The following MYO18A variants were observed in gnomAD, a reference collection of about 807,000 sequenced individuals.
The protein encoded by MYO18A is myosin XVIIIA, also known as unconventional myosin-XVIIIa.
Under a neutral mutation model 235.8 loss-of-function variants are expected in MYO18A, and 78 were observed. The ratio of observed to expected loss-of-function variants is 0.33; its 90% confidence interval spans 0.28 to 0.40. The LOEUF is 0.40. Ranked by LOEUF, MYO18A falls within the 10% of genes least tolerant of loss-of-function variation. The pLI is 1.00. For missense variants in MYO18A, 2,215 were observed against 2,699.3 expected, an observed-to-expected ratio of 0.82 and a Z score of 3.98; for synonymous variants, 977 against 1,077.8, an observed-to-expected ratio of 0.91 and a Z score of 1.83.
intron 17 of MYO18A, among the ~76,000 whole-genome samples, chr17:29,110,825 G>A (rs1332298544): frequency 2.6e-5 from 4 of 152,206 alleles, no homozygotes; most frequent in African/African-American, 9.7e-5. Context: ...AAAGCCAGAG[G>A]TGGGCAGAAG....
intron 1 of MYO18A, among the ~76,000 whole-genome samples, chr17:29,173,950 T>A (rs2068465467): frequency 6.6e-6 from 1 of 152,006 alleles, no homozygotes; most frequent in African/African-American, 2.4e-5. Flanking sequence ...TTTTTAAAAA[T>A]TGTTTTAGAG....
chr17:29,174,680 G>A (rs535613038), intron 1 of MYO18A, among the ~76,000 whole-genome samples: 2 of 151,974 alleles, frequency 1.3e-5, no homozygotes, highest in Non-Finnish European at 2.9e-5. Context: ...CCGGCGTAGT[G>A]GCGCACCTGT....
rs576903077 is a variant in MYO18A, at chr17:29,166,926, C to T, written c.15G>A (p.Met5Ile). 1.6e-5 allele frequency: 24 copies of T among 1,543,972 alleles called. No homozygotes were observed. The African/African-American group carries it at 2.1e-4, about 13-fold the overall frequency. MFNL[M>I]KKDKDKDGGR... ...CGCCATCTTTGTCCTTGTCTTTCTTCATTAGGTTAAACATGGTGGGGGTGC... is the reference window on the plus strand; with the variant it reads ...CGCCATCTTTGTCCTTGTCTTTCTTTATTAGGTTAAACATGGTGGGGGTGC... The change falls in exon 2 of 42, where the codon ATG becomes ATA. Residue 5 changes from methionine (M) to isoleucine (I), a missense_variant. Met to Ile is a conservative substitution (Grantham distance 10). Coordinates refer to ENST00000527372, the MANE Select transcript of MYO18A (RefSeq NM_078471.4).
rs1011093771 is a variant in MYO18A, at chr17:29,123,585, C to G, written c.1000-1332G>C. ...TCCCTCCAGTGCTGGACGGCCCTTC[C>G]CCAGATTGGAGTAGGAGGGCTGGGC... On this transcript the variant is annotated intron_variant, in intron 2 of 41. Transcript: ENST00000527372. 1.9e-4 allele frequency among the ~76,000 whole-genome samples: 29 copies of G among 152,226 alleles called. 1 individual carries two copies. The highest frequency in any genetic ancestry group is 1.2e-4 in the Non-Finnish European group (8 of 68,046).
At chr17:29,172,498 T>A (rs1273774616) in intron 1 of MYO18A, among the ~76,000 whole-genome samples, 1 of 150,532 alleles carries the variant, frequency 6.6e-6, no homozygotes, top group Non-Finnish European at 1.5e-5. Flanking sequence ...TGAAAAAAAA[T>A]ATGAGTAAAT....
intron 34 of MYO18A, chr17:29,091,732 C>T: frequency 2.2e-6 from 1 of 452,694 alleles, no homozygotes; most frequent in South Asian, 1.6e-5. Flanking sequence ...ATGAAGCCAC[C>T]AGCCCAGCCC....
At chr17:29,171,916 A>C (rs1303482238) in intron 1 of MYO18A, among the ~76,000 whole-genome samples, 2 of 152,036 alleles carry the variant, frequency 1.3e-5, no homozygotes, top group African/African-American at 2.4e-5. Context: ...AAAAAAAAAA[A>C]AAACCATAGC....
At chr17:29,094,168 T>G in intron 30 of MYO18A, 78 bp from the exon 31 acceptor site, 1 of 1,047,764 alleles carries the variant, frequency 9.5e-7, no homozygotes, top group South Asian at 1.4e-5. Context: ...TGGCTCTCCC[T>G]AGGCTCAGGG....
At chr17:29,075,528 A>G (rs2065953323) in intron 41 of MYO18A, 1 of 167,156 alleles carries the variant, frequency 6.0e-6, no homozygotes, top group African/African-American at 2.4e-5. Flanking sequence ...AGAGGCTGGG[A>G]AGACCTGTTT....
chr17:29,141,006 G>C (rs2067727503), intron 2 of MYO18A, among the ~76,000 whole-genome samples: 1 of 152,216 alleles, frequency 6.6e-6, no homozygotes, highest in Non-Finnish European at 1.5e-5. Flanking sequence ...GTAAGGTCTG[G>C]CAGGAGCAGA....
chr17:29,148,727 T>A (rs938504517), intron 2 of MYO18A, among the ~76,000 whole-genome samples: 1 of 152,128 alleles, frequency 6.6e-6, no homozygotes, highest in African/African-American at 2.4e-5. Context: ...GCCAGTGGAT[T>A]CTGAAGGGTT....
In MYO18A at chr17:29,158,238, C is replaced by G. The variant is rs1204996356; in HGVS notation, c.999+7704G>C. The stretch of plus-strand genomic sequence containing the variant: ...CTGGCCCAGAGTCTGTGCAAAGCAA[C>G]CGGGCTGAGTCGCACCAGGGCAGAA... On this transcript the variant is annotated intron_variant, in intron 2 of 41. Coordinates refer to ENST00000527372, the MANE Select transcript of MYO18A (RefSeq NM_078471.4). The surrounding 1 kb of genome is among the most constrained non-coding windows in gnomAD (Gnocchi z 4.3). Among the ~76,000 whole-genome samples, 1 of 152,194 alleles carries G rather than the reference C, an allele frequency of 6.6e-6. No individual in the cohort carries two copies. The highest frequency in any genetic ancestry group is 1.9e-4 in the East Asian group (1 of 5,198).
rs560467822 is a variant in MYO18A at position 29,094,456 on chromosome 17, GA to G, written c.4710+193del. ...GAGCTCCATCAGATTTGTTTTTGTG[GA>G]AAGTTCCACGAGCGCGTCTTCACAC... On this transcript the variant is annotated intron_variant, in intron 30 of 41. Transcript: ENST00000527372. 2.0e-3 allele frequency: 1,260 copies of G among 639,828 alleles called. 14 individuals carry two copies. Among genetic ancestry groups the G allele is most frequent in the South Asian group, 0.013 (675 of 51,146 alleles). 39.6% of individuals were successfully genotyped at this position (639,828 alleles called of 1,614,324 possible).
intron 21 of MYO18A, among the ~76,000 whole-genome samples, chr17:29,101,020 AAC>A (rs2066640289): frequency 6.6e-6 from 1 of 152,156 alleles, no homozygotes; most frequent in Non-Finnish European, 1.5e-5. Flanking sequence ...ATTTATTTTG[AAC>A]AGTCTTGCTC....
At chr17:29,081,841 G>A (rs1464675596) in intron 41 of MYO18A, among the ~76,000 whole-genome samples, 1 of 152,154 alleles carries the variant, frequency 6.6e-6, no homozygotes, top group Non-Finnish European at 1.5e-5. Context: ...AGAGATTAGA[G>A]GAAGGAGAGA....
chr17:29,124,915 A>T (rs993974553), intron 2 of MYO18A, among the ~76,000 whole-genome samples: 2 of 152,010 alleles, frequency 1.3e-5, no homozygotes, highest in Non-Finnish European at 2.9e-5. Context: ...GACACTAGTG[A>T]CCATCAGGCC....
At chr17:29,173,690 G>A (rs558595949) in intron 1 of MYO18A, among the ~76,000 whole-genome samples, 10 of 152,266 alleles carry the variant, frequency 6.6e-5, no homozygotes, top group South Asian at 2.1e-4. Flanking sequence ...CCGGCCTGCC[G>A]TTACTTTTTA....
chr17:29,162,692 C>G (rs1459889476), intron 2 of MYO18A, among the ~76,000 whole-genome samples: 1 of 152,206 alleles, frequency 6.6e-6, no homozygotes, highest in Non-Finnish European at 1.5e-5. Context: ...ACCGCTGGAG[C>G]CCAGGACCTA....
chr17:29,174,923 G>A (rs1369337372), intron 1 of MYO18A, among the ~76,000 whole-genome samples: 1 of 152,122 alleles, frequency 6.6e-6, no homozygotes, highest in Non-Finnish European at 1.5e-5. Context: ...ATATTGTTAA[G>A]TGAAAAAATA....
Sources: gnomAD v4.1 joint callset for allele counts (sites outside exome capture counted in the v4.1 genomes callset) on GRCh38, gnomAD v4.1.1 for gene constraint, Gnocchi (gnomAD v3.1) non-coding constraint, MANE v1.5 for transcripts, NCBI Gene and HGNC (gene_info 2026-07-23, HGNC 2026-07-21) for gene names.